CEACAM16: variants seen among roughly 807,000 people sequenced by gnomAD.
The protein encoded by CEACAM16 is cell adhesion molecule CEACAM16.
CEACAM16 carries 30 observed loss-of-function variants against 39.4 expected under a neutral mutation model. That is an observed-to-expected ratio of 0.76 (90% CI 0.57 to 1.03). The LOEUF (loss-of-function observed/expected upper bound fraction) is 1.03. Ranked by LOEUF, CEACAM16 falls within the 50% of genes least tolerant of loss-of-function variation. The pLI, the probability that CEACAM16 is intolerant of heterozygous loss-of-function variation, is 0.00. For missense variants in CEACAM16, 521 were observed against 585.3 expected (o/e 0.89, Z 1.13); for synonymous variants, 262 against 264.9 (o/e 0.99, Z 0.11).
At position 44,705,650 on chromosome 19, in the gene CEACAM16, A is replaced by G. The variant is rs1392870240; in HGVS notation, c.722A>G (p.Lys241Arg). The change falls in exon 5 of 7, where the codon AAA becomes AGA. Residue 241 changes from lysine to arginine, a missense_variant. Transcript: ENST00000587331. Reference sequence around the variant, plus strand: ...ACCACCCGCACAGGCTGCACCATCAAAGTTGACTTCAACACGTCCCTCACC... The same window carrying G: ...ACCACCCGCACAGGCTGCACCATCAGAGTTGACTTCAACACGTCCCTCACC... ...DSTTRTGCTI[K>R]VDFNTSLTLW... 2.5e-6 allele frequency: 4 copies of G among 1,613,442 alleles called. No homozygotes were observed. In the South Asian group the frequency reaches 3.3e-5, roughly 13 times the overall value.
intron 1 of CEACAM16, among the ~76,000 whole-genome samples, chr19:44,700,769 C>T (rs1370291631): frequency 1.3e-5 from 2 of 152,148 alleles, no homozygotes; most frequent in Non-Finnish European, 1.5e-5. Flanking sequence ...AACTTCTGAG[C>T]ACTTTGCAGG....
Position 44,705,738 on chromosome 19 carries a change from C to A in CEACAM16, c.810C>A (p.Ala270=), listed in dbSNP as rs1974435667. Residue 270 remains alanine (A), a synonymous_variant, in exon 5 of 7, where the codon GCC becomes GCA. Transcript: ENST00000587331. ...ATGTGTGGACCTTCAACGGGCAGGC[C>A]CTAAAGAACGGCCAAGACCACCTCA... The part of the protein sequence containing the change: ...PEYVWTFNGQ[A]LKNGQDHLNI... The A allele has an allele frequency of 1.2e-6, 2 of 1,613,904 alleles. No homozygotes were observed. Among genetic ancestry groups the A allele is most frequent in the African/African-American group, 2.7e-5 (2 of 74,928 alleles).
intron 1 of CEACAM16, among the ~76,000 whole-genome samples, chr19:44,700,843 TGGGTTTGCACACAGAGCA>T (rs1341782504): frequency 1.3e-5 from 2 of 152,212 alleles, no homozygotes; most frequent in East Asian, 3.9e-4. Context: ...CCCTTCTGTC[TGGGTTTGCACACAGAGCA>T]GGGCTCAAAT....
Position 44,704,068 on chromosome 19 carries a change from C to G in CEACAM16, c.433C>G (p.Arg145Gly), listed in dbSNP as rs374742680. The change falls in exon 4 of 7, where the codon CGT (arginine) becomes GGT (glycine). Residue 145 changes from arginine to glycine, a missense_variant. Coordinates refer to ENST00000587331, the MANE Select transcript of CEACAM16 (RefSeq NM_001039213.4). ...VLANSTALVE[R>G]RDTLRLMCSS... ...GGCCAACAGCACAGCGCTGGTGGAA[C>G]GTCGAGACACCCTGCGCCTTATGTG... The G allele has an allele frequency of 6.2e-7, 1 of 1,610,396 alleles. No homozygotes were observed. The highest frequency in any genetic ancestry group is 8.5e-7 in the Non-Finnish European group (1 of 1,179,122).
At chr19:44,703,791 C>CATCAGGG (rs1395418347) in intron 3 of CEACAM16, 98 bp downstream of exon 3, 3 of 1,098,234 alleles carry the variant, frequency 2.7e-6, no homozygotes, top group African/African-American at 3.2e-5. Flanking sequence ...TCCAACAAAT[C>CATCAGGG]ATCAGGGAAA....
At chr19:44,699,528 G>A (rs1568525139) in intron 1 of CEACAM16, 7 of 415,022 alleles carry the variant, frequency 1.7e-5, no homozygotes, top group Non-Finnish European at 3.4e-5. Context: ...AGGTGCCCGC[G>A]ACCACACCCA....
Position 44,708,061 on chromosome 19 carries a change from G to A in CEACAM16, c.1141G>A (p.Val381Met), listed in dbSNP as rs769171285. ...IAGPAHTGRE[V>M]GFPNCSLLVQ... is the part of the protein sequence containing the mutation. ...AGGCCCCGCGCACACAGGCCGGGAG[G>A]TGGGCTTCCCCAACTGCTCGCTGTT... The change falls in exon 6 of 7, where the codon GTG becomes ATG. Residue 381 changes from valine to methionine, a missense_variant. Transcript: ENST00000587331. 5.0e-6 allele frequency: 8 copies of A among 1,612,784 alleles called. No individual in the cohort carries two copies. The South Asian group carries it at 8.8e-5, about 18-fold the overall frequency.
chr19:44,704,180 A>G lies in CEACAM16; in HGVS notation c.545A>G (p.Asp182Gly), dbSNP rs557686287. The G allele has an allele frequency of 3.2e-6, 5 of 1,575,420 alleles. No homozygotes were observed. The South Asian group carries it at 3.5e-5, about 11-fold the overall frequency. ...GCTCTCCGCCTGGGCCTGTCCCCTG[A>G]CGGCCGGGTGCTGGCCAGGCATGGC... is the stretch of plus-strand genomic sequence containing the variant. Reference protein sequence around the residue: ...PVALRLGLSPDGRVLARHGIR... With the variant: ...PVALRLGLSPGGRVLARHGIR... Residue 182 changes from aspartate to glycine, a missense_variant, in exon 4 of 7, where the codon GAC (aspartate) becomes GGC (glycine). Physicochemically the swap from Asp to Gly is moderately conservative, Grantham distance 94 (BLOSUM62 -1). Transcript: ENST00000587331.
chr19:44,699,432 T>A (rs978612450), intron 1 of CEACAM16, 172 bp downstream of exon 1: 7 of 237,836 alleles, frequency 2.9e-5, no homozygotes, highest in South Asian at 1.8e-4. Context: ...GAGCCTATAC[T>A]TTTTTTTTTT....
rs747829770 is a variant in CEACAM16 at position 44,704,181 on chromosome 19, C to T, written c.546C>T (p.Asp182=). 40 of 1,573,886 alleles carry T rather than the reference C, an allele frequency of 2.5e-5. No homozygotes were observed. The highest frequency in any genetic ancestry group is 6.8e-5 in the African/African-American group (5 of 74,052). The part of the protein sequence containing the change: ...PVALRLGLSP[D]GRVLARHGIR... ...CTCTCCGCCTGGGCCTGTCCCCTGA[C>T]GGCCGGGTGCTGGCCAGGCATGGCA... The change falls in exon 4 of 7, where the codon GAC becomes GAT. Residue 182 remains aspartate, a synonymous_variant. Coordinates refer to ENST00000587331, the MANE Select transcript of CEACAM16 (RefSeq NM_001039213.4).
chr19:44,700,127 T>C (rs989043629), intron 1 of CEACAM16, among the ~76,000 whole-genome samples: 1 of 152,222 alleles, frequency 6.6e-6, no homozygotes, highest in Non-Finnish European at 1.5e-5. Flanking sequence ...TGCCTCAGCC[T>C]CTCGAGTAGC....
chr19:44,706,015 C>A, intron 5 of CEACAM16, 147 bp downstream of exon 5: 1 of 997,306 alleles, frequency 1.0e-6, no homozygotes, highest in Non-Finnish European at 1.5e-6. Context: ...GCATATCAGG[C>A]AGATCTGTTT....
chr19:44,700,480 T>C (rs1974328085), intron 1 of CEACAM16, among the ~76,000 whole-genome samples: 1 of 152,180 alleles, frequency 6.6e-6, no homozygotes, highest in Non-Finnish European at 1.5e-5. Flanking sequence ...GGTTTCGCCA[T>C]GTTGGCCAGG....
rs139409007 is a variant in CEACAM16 at position 44,699,858 on chromosome 19, C to T, written c.-97+598C>T. On this transcript the variant is annotated intron_variant, in intron 1 of 6. Transcript: ENST00000587331. ...TGTTTGTTTTTGAAATGGAGTCTTGCTCTGTCACCCAGGCTGGAGTGCAGT... is the reference window on the plus strand; with the variant it reads ...TGTTTGTTTTTGAAATGGAGTCTTGTTCTGTCACCCAGGCTGGAGTGCAGT... Among the ~76,000 whole-genome samples, 1,365 of 152,264 alleles carry T rather than the reference C, an allele frequency of 9.0e-3. 21 individuals are homozygous for T. The highest frequency in any genetic ancestry group is 0.031 in the African/African-American group (1,291 of 41,546).
At chr19:44,702,059 G>A (rs528126644) in intron 2 of CEACAM16, among the ~76,000 whole-genome samples, 124 of 152,242 alleles carry the variant, frequency 8.1e-4, no homozygotes, top group African/African-American at 2.8e-3. Flanking sequence ...TTGGGAGGCC[G>A]AGGCGGGCGG....
rs1338588316 is a variant in CEACAM16 at position 44,710,541 on chromosome 19, T to G, written c.*35T>G. The G allele has an allele frequency of 2.6e-5, 42 of 1,613,460 alleles. No homozygotes were observed. Among genetic ancestry groups the G allele is most frequent in the Non-Finnish European group, 3.3e-5 (39 of 1,179,538 alleles). On this transcript the variant is annotated 3_prime_UTR_variant, in exon 7 of 7. Coordinates refer to ENST00000587331, the MANE Select transcript of CEACAM16 (RefSeq NM_001039213.4). ...CCTGGAGACGTCCAGAGAGAAGAGC[T>G]CTTCGCACCATCCTCTGGTCCTCGC...
In CEACAM16 at chr19:44,704,138, G is replaced by T. The variant is rs535352885; in HGVS notation, c.503G>T (p.Gly168Val). ...PTAEVRWFFN[G>V]GALPVALRLG... ...GCCGAGGTCCGCTGGTTCTTCAACG[G>T]TGGGGCCCTGCCCGTCGCTCTCCGC... Residue 168 changes from glycine to valine, a missense_variant, in exon 4 of 7, where the codon GGT becomes GTT. Coordinates refer to ENST00000587331, the MANE Select transcript of CEACAM16 (RefSeq NM_001039213.4). 1.1e-4 allele frequency: 178 copies of T among 1,595,276 alleles called. 2 individuals carry two copies. The highest frequency in any genetic ancestry group is 1.4e-5 in the Non-Finnish European group (16 of 1,172,244).
intron 1 of CEACAM16, among the ~76,000 whole-genome samples, chr19:44,699,668 C>T (rs576091006): frequency 7.9e-4 from 120 of 152,136 alleles, no homozygotes; most frequent in African/African-American, 2.8e-3. Flanking sequence ...TGAGCCACTG[C>T]GTCCGGCCAT....
At chr19:44,706,269 TACACACACACACACACAC>T (rs57354088) in intron 5 of CEACAM16, among the ~76,000 whole-genome samples, 35,576 of 132,594 alleles carry the variant, frequency 0.27, 4,579 homozygotes, top group Middle Eastern at 0.38. Flanking sequence ...ATGATGGGTA[TACACACACACACACACAC>T]ACACACACAC....
Sources: gnomAD v4.1 joint callset for allele counts (sites outside exome capture counted in the v4.1 genomes callset) on GRCh38, gnomAD v4.1.1 for gene constraint, MANE v1.5 for transcripts, NCBI Gene and HGNC (gene_info 2026-07-23, HGNC 2026-07-21) for gene names.